H3Y2: variants seen among roughly 807,000 people sequenced by gnomAD.
The protein encoded by H3Y2 is H3.Y histone 2.
Under a neutral mutation model 0.6 loss-of-function variants are expected in H3Y2, and 2 were observed. The observed-to-expected ratio is 3.36, with a 90% CI of 1.37 to 10.58. The LOEUF is 10.58. Ranked by LOEUF, H3Y2 falls within the 30% of genes most tolerant of loss-of-function variation. The probability of loss-of-function intolerance (pLI) is 0.04; values close to 1 mark genes in which losing one functional copy is unlikely to be tolerated. For synonymous variants in H3Y2, 20 were observed against 7.8 expected (o/e 2.56, Z -2.60); for missense variants, 36 against 19.1 (o/e 1.89, Z -1.66).
chr5:17,491,800 G>T lies in H3Y2; in HGVS notation c.-32C>A, dbSNP rs1560993846. On this transcript the variant is annotated 5_prime_UTR_variant, in exon 1 of 1. Transcript: ENST00000600799. ...GGGCCTTGTGCTCTCTCCTCTCTGA[G>T]GCTGAGCCTGGCCTGCTGCAGGCAG... 1 of 399,934 alleles carries T rather than the reference G, an allele frequency of 2.5e-6. No individual in the cohort carries two copies. 24.8% of individuals were successfully genotyped at this position (399,934 alleles called of 1,614,324 possible). A position where few individuals can be genotyped will look rare whatever the true frequency, so the allele number is the denominator to read the frequency against.
rs994716500 is a variant in H3Y2, at chr5:17,491,016, A to G, written c.*309T>C. Among the ~76,000 whole-genome samples the G allele has an allele frequency of 6.7e-6, 1 of 149,338 alleles. No individual in the cohort carries two copies. Among genetic ancestry groups the G allele is most frequent in the Non-Finnish European group, 1.5e-5 (1 of 66,286 alleles). ...GTTTACAGAACCCGTATGCAGACAT[A>G]GTAAAGAAAAAAAAATAAGATTTCT... On this transcript the variant is annotated 3_prime_UTR_variant, in exon 1 of 1. Coordinates refer to ENST00000600799, the MANE Select transcript of H3Y2 (RefSeq NM_001371919.1).
chr5:17,491,898 G>A lies in H3Y2; in HGVS notation c.-130C>T. On this transcript the variant is annotated 5_prime_UTR_variant, in exon 1 of 1. Transcript: ENST00000600799. ...AGAGCCTGTGAGTTGAGATCCATGC[G>A]CAGGACTCTCCCACACACTTAACCC... 1 of 397,384 alleles carries A rather than the reference G, an allele frequency of 2.5e-6. No homozygotes were observed. The highest frequency in any genetic ancestry group is 4.4e-6 in the Non-Finnish European group (1 of 226,140). 24.6% of individuals were successfully genotyped at this position (397,384 alleles called of 1,614,324 possible).
Sources: gnomAD v4.1 joint callset for allele counts (sites outside exome capture counted in the v4.1 genomes callset) on GRCh38, gnomAD v4.1.1 for gene constraint, MANE v1.5 for transcripts, NCBI Gene and HGNC (gene_info 2026-07-23, HGNC 2026-07-21) for gene names.